VAV3: variants seen among roughly 807,000 people sequenced by gnomAD.
VAV3 encodes the protein vav guanine nucleotide exchange factor 3.
VAV3 carries 94 observed loss-of-function variants against 131.2 expected under a neutral mutation model. The ratio of observed to expected loss-of-function variants is 0.72; its 90% confidence interval spans 0.61 to 0.85. The LOEUF is 0.85. VAV3 is among the 40% of genes least tolerant of loss of function. The pLI is 0.00. For synonymous variants in VAV3, 349 were observed against 342.0 expected, an observed-to-expected ratio of 1.02 and a Z score of -0.22; for missense variants, 939 against 1,002.7, an observed-to-expected ratio of 0.94 and a Z score of 0.86.
intron 20 of VAV3, among the ~76,000 whole-genome samples, chr1:107,630,831 A>G (rs147211506): frequency 6.6e-6 from 1 of 152,188 alleles, no homozygotes; most frequent in South Asian, 2.1e-4. Context: ...ATGATTCCAC[A>G]TTTAGACCCA....
rs115880853 is a variant in VAV3 at position 107,819,693 on chromosome 1, C to T, written c.322-40201G>A. Among the ~76,000 whole-genome samples, 747 of 152,068 alleles carry T rather than the reference C, an allele frequency of 4.9e-3. 6 individuals are homozygous for T. Among genetic ancestry groups the T allele is most frequent in the African/African-American group, 0.016 (660 of 41,458 alleles). ...GGAATTTATGTAGGATTTCATAATG[C>T]CTTTAAAAATATATACACCGCCAAA... On this transcript the variant is annotated intron_variant, in intron 2 of 26. Coordinates refer to ENST00000370056, the MANE Select transcript of VAV3 (RefSeq NM_006113.5).
chr1:107,665,566 T>C (rs1657350723), intron 19 of VAV3, among the ~76,000 whole-genome samples: 2 of 152,134 alleles, frequency 1.3e-5, no homozygotes, highest in African/African-American at 4.8e-5. Context: ...GAGCTATCAG[T>C]CTAGCAAGGG....
At chr1:107,685,557 AAGTC>A (rs1384855916) in intron 18 of VAV3, among the ~76,000 whole-genome samples, 1 of 152,150 alleles carries the variant, frequency 6.6e-6, no homozygotes, top group Non-Finnish European at 1.5e-5. Context: ...AATCCACTGA[AAGTC>A]AGTCACTCTG....
intron 21 of VAV3, among the ~76,000 whole-genome samples, chr1:107,611,916 G>C (rs965462260): frequency 3.3e-5 from 5 of 152,018 alleles, no homozygotes; most frequent in African/African-American, 1.2e-4. Context: ...ACTTTCTTCT[G>C]TGTACTATGG....
At chr1:107,731,275 C>G (rs1464346663) in intron 15 of VAV3, among the ~76,000 whole-genome samples, 1 of 152,180 alleles carries the variant, frequency 6.6e-6, no homozygotes, top group African/African-American at 2.4e-5. Flanking sequence ...GTGAGGACAA[C>G]AGCATCTAGC....
At chr1:107,595,110 T>C (rs1651269519) in intron 25 of VAV3, among the ~76,000 whole-genome samples, 1 of 152,120 alleles carries the variant, frequency 6.6e-6, no homozygotes, top group Admixed American at 6.6e-5. Flanking sequence ...AATCTTGGGC[T>C]AAAAAATAAC....
At chr1:107,818,993 T>G (rs1667677725) in intron 2 of VAV3, among the ~76,000 whole-genome samples, 1 of 152,184 alleles carries the variant, frequency 6.6e-6, no homozygotes, top group African/African-American at 2.4e-5. Flanking sequence ...AAGAAAAAAG[T>G]ATCAATTTGT....
chr1:107,961,667 G>GA (rs948361580), intron 1 of VAV3, among the ~76,000 whole-genome samples: 20 of 152,086 alleles, frequency 1.3e-4, no homozygotes, highest in African/African-American at 4.8e-4. Flanking sequence ...AAATCAGCAT[G>GA]AAAAAATATA....
At chr1:107,881,289 A>C (rs770399341) in intron 1 of VAV3, among the ~76,000 whole-genome samples, 35 of 152,202 alleles carry the variant, frequency 2.3e-4, no homozygotes, top group South Asian at 8.3e-4. Context: ...GAAAAGAAAT[A>C]TTTGGTAATT....
intron 20 of VAV3, among the ~76,000 whole-genome samples, chr1:107,638,224 A>G (rs1655075806): frequency 6.6e-6 from 1 of 152,188 alleles, no homozygotes; most frequent in Non-Finnish European, 1.5e-5. Context: ...CAAGTCAAGA[A>G]AAAGAAATAA....
At position 107,597,242 on chromosome 1, in the gene VAV3, G is replaced by GA. The variant is rs1281588398; in HGVS notation, c.2221-902dup. Among the ~76,000 whole-genome samples the GA allele has an allele frequency of 2.2e-4, 32 of 143,970 alleles. 1 individual carries two copies. The highest frequency in any genetic ancestry group is 6.4e-4 in the African/African-American group (25 of 39,276). 94.4% of individuals were successfully genotyped at this position (143,970 alleles called of 152,430 possible). On this transcript the variant is annotated intron_variant, in intron 24 of 26. Coordinates refer to ENST00000370056, the MANE Select transcript of VAV3 (RefSeq NM_006113.5). ...AATAAAAAATAAAAAAAAAAAAACA[G>GA]AAAAAAAAACCACTTGTTTCTTCTA...
chr1:107,728,633 A>ATATGTATATGTATATGTG (rs1662021784), intron 15 of VAV3, among the ~76,000 whole-genome samples: 1 of 127,048 alleles, frequency 7.9e-6, no homozygotes, highest in Non-Finnish European at 1.8e-5. Context: ...ATGTATATGT[A>ATATGTATATGTATATGTG]TATGTATATG....
intron 17 of VAV3, among the ~76,000 whole-genome samples, chr1:107,692,777 T>G (rs1025104647): frequency 1.3e-5 from 2 of 152,146 alleles, no homozygotes; most frequent in African/African-American, 4.8e-5. Context: ...ATTAAACAGA[T>G]AAGCAAATGG....
At chr1:107,930,567 C>T (rs1354769364) in intron 1 of VAV3, among the ~76,000 whole-genome samples, 1 of 151,950 alleles carries the variant, frequency 6.6e-6, no homozygotes, top group Non-Finnish European at 1.5e-5. Context: ...GTTACCTAGT[C>T]GATAAGAAAA....
intron 22 of VAV3, among the ~76,000 whole-genome samples, chr1:107,608,807 T>C (rs755517316): frequency 6.6e-6 from 1 of 152,190 alleles, no homozygotes; most frequent in African/African-American, 2.4e-5. Flanking sequence ...ATAACTCACA[T>C]GGTAACATGC....
chr1:107,937,042 C>A (rs956897098), intron 1 of VAV3, among the ~76,000 whole-genome samples: 2 of 152,054 alleles, frequency 1.3e-5, no homozygotes, highest in African/African-American at 4.8e-5. Flanking sequence ...CACAGTCAGG[C>A]AAAGGATGCC....
At chr1:107,771,532 C>A (rs534356326) in intron 5 of VAV3, among the ~76,000 whole-genome samples, 1 of 152,282 alleles carries the variant, frequency 6.6e-6, no homozygotes, top group African/African-American at 2.4e-5. Flanking sequence ...GGATTACAAG[C>A]GCGAGCTACC....
At chr1:107,875,430 T>G (rs1571077799) in intron 1 of VAV3, among the ~76,000 whole-genome samples, 1 of 151,974 alleles carries the variant, frequency 6.6e-6, no homozygotes, top group Admixed American at 6.6e-5. Context: ...AAGAGGATGG[T>G]GGAGCAGAGA....
intron 17 of VAV3, among the ~76,000 whole-genome samples, chr1:107,694,729 TG>T (rs1278456865): frequency 6.6e-6 from 1 of 152,182 alleles, no homozygotes; most frequent in Non-Finnish European, 1.5e-5. Flanking sequence ...CCAGAAGCCC[TG>T]CTACACTACA....
Sources: gnomAD v4.1 joint callset for allele counts (sites outside exome capture counted in the v4.1 genomes callset) on GRCh38, gnomAD v4.1.1 for gene constraint, MANE v1.5 for transcripts, NCBI Gene and HGNC (gene_info 2026-07-23, HGNC 2026-07-21) for gene names.